Variants in LRRC7 observed in about 807,000 individuals in gnomAD.
LRRC7 encodes the protein leucine rich repeat containing 7, also known as leucine-rich repeat-containing protein 7.
In LRRC7, 23 loss-of-function variants were observed where a neutral mutation model predicts 175.7. The ratio of observed to expected loss-of-function variants is 0.13; its 90% CI spans 0.09 to 0.19. The LOEUF is 0.19. Ranked by LOEUF, LRRC7 falls within the 10% of genes least tolerant of loss-of-function variation. LRRC7 has a pLI of 1.00. For missense variants in LRRC7, 1,354 were observed against 1,904.7 expected, an observed-to-expected ratio of 0.71 and a Z score of 5.38; for synonymous variants, 685 against 680.9, an observed-to-expected ratio of 1.01 and a Z score of -0.09.
chr1:69,881,608 G>C (rs1467544963), intron 7 of LRRC7, among the ~76,000 whole-genome samples: 1 of 152,090 alleles, frequency 6.6e-6, no homozygotes, highest in Non-Finnish European at 1.5e-5. Context: ...GCTGGGTATG[G>C]TGACTCGCAC....
At chr1:69,619,079 G>A (rs1650140865) in intron 1 of LRRC7, among the ~76,000 whole-genome samples, 1 of 141,336 alleles carries the variant, frequency 7.1e-6, no homozygotes, top group South Asian at 2.2e-4. Flanking sequence ...GTAGATCTGT[G>A]TTTGGTGGAA....
intron 7 of LRRC7, among the ~76,000 whole-genome samples, chr1:69,867,938 A>G (rs1405544485): frequency 2.0e-5 from 3 of 152,108 alleles, no homozygotes; most frequent in Admixed American, 6.6e-5. Flanking sequence ...ATTAAGTAAA[A>G]TTTTACTTCC....
chr1:69,691,284 G>C (rs1273498798), intron 2 of LRRC7, among the ~76,000 whole-genome samples: 1 of 151,988 alleles, frequency 6.6e-6, no homozygotes, highest in Non-Finnish European at 1.5e-5. Flanking sequence ...CATTCTATCT[G>C]TTCCTGAAAT....
chr1:69,991,386 G>C (rs999984806), intron 10 of LRRC7, among the ~76,000 whole-genome samples: 6 of 152,116 alleles, frequency 3.9e-5, no homozygotes, highest in Admixed American at 2.0e-4. Context: ...TTTATGACCT[G>C]AATGGTTCTC....
At chr1:69,866,539 A>G (rs1343785095) in intron 7 of LRRC7, among the ~76,000 whole-genome samples, 1 of 152,240 alleles carries the variant, frequency 6.6e-6, no homozygotes, top group Non-Finnish European at 1.5e-5. Flanking sequence ...AGGGTTATTT[A>G]TCATTTTCTA....
At chr1:69,688,631 G>GTTTTT in intron 2 of LRRC7, among the ~76,000 whole-genome samples, 1 of 124,542 alleles carries the variant, frequency 8.0e-6, no homozygotes, top group South Asian at 2.8e-4. Flanking sequence ...TCTTTTTATG[G>GTTTTT]TTTTTTTTTT....
At chr1:70,121,116 G>A (rs1666183903) in intron 26 of LRRC7, among the ~76,000 whole-genome samples, 1 of 151,984 alleles carries the variant, frequency 6.6e-6, no homozygotes, top group Non-Finnish European at 1.5e-5. Context: ...TTATATCAAT[G>A]ATTCTTAAAC....
intron 25 of LRRC7, among the ~76,000 whole-genome samples, chr1:70,095,118 A>C (rs948208501): frequency 4.6e-5 from 7 of 152,298 alleles, no homozygotes; most frequent in African/African-American, 1.7e-4. Context: ...CACATCCTTA[A>C]TTCCACTTCA....
chr1:70,092,842 A>T (rs550759311), intron 25 of LRRC7, among the ~76,000 whole-genome samples: 1 of 152,114 alleles, frequency 6.6e-6, no homozygotes, highest in African/African-American at 2.4e-5. Flanking sequence ...ATAAGGGAAT[A>T]TTTTTACCAG....
intron 2 of LRRC7, among the ~76,000 whole-genome samples, chr1:69,722,046 C>A (rs778337370): frequency 6.6e-6 from 1 of 151,832 alleles, no homozygotes; most frequent in Admixed American, 6.6e-5. Flanking sequence ...CTATCCCTAG[C>A]CAATTTCCCT....
chr1:69,925,644 A>G (rs1253655359), intron 7 of LRRC7, among the ~76,000 whole-genome samples: 4 of 152,008 alleles, frequency 2.6e-5, no homozygotes, highest in Admixed American at 6.6e-5. Context: ...ATCAGTTGTG[A>G]TATCCCCTTT....
At chr1:70,081,189 T>C (rs1663184841) in intron 24 of LRRC7, among the ~76,000 whole-genome samples, 1 of 152,226 alleles carries the variant, frequency 6.6e-6, no homozygotes, top group Non-Finnish European at 1.5e-5. Flanking sequence ...AGATGTTCTA[T>C]AGCTCAACAA....
intron 2 of LRRC7, among the ~76,000 whole-genome samples, chr1:69,731,828 A>T (rs1667611936): frequency 6.6e-6 from 1 of 152,170 alleles, no homozygotes; most frequent in South Asian, 2.1e-4. Context: ...GCAGTTTATA[A>T]GCACTTATGA....
At chr1:69,759,139 C>A (rs563099880) in intron 2 of LRRC7, among the ~76,000 whole-genome samples, 99 of 152,026 alleles carry the variant, frequency 6.5e-4, no homozygotes, top group African/African-American at 2.2e-3. Context: ...AAGACATTCA[C>A]AGAGATAGTG....
At chr1:69,716,802 A>T (rs192390416) in intron 2 of LRRC7, among the ~76,000 whole-genome samples, 4 of 151,902 alleles carry the variant, frequency 2.6e-5, no homozygotes, top group Non-Finnish European at 5.9e-5. Flanking sequence ...AGATAAATGG[A>T]TAAAAAATGA....
chr1:70,105,831 T>C (rs542021564), intron 25 of LRRC7, among the ~76,000 whole-genome samples: 46 of 152,148 alleles, frequency 3.0e-4, no homozygotes, highest in Non-Finnish European at 5.7e-4. Context: ...TTCTAGAAAT[T>C]TTGATGCCTA....
chr1:69,815,289 T>G (rs1223939766), intron 4 of LRRC7, among the ~76,000 whole-genome samples: 1 of 152,110 alleles, frequency 6.6e-6, no homozygotes, highest in Non-Finnish European at 1.5e-5. Flanking sequence ...AAATAAAAAT[T>G]TGGGGAACTT....
chr1:69,767,221 A>G (rs1295474255), intron 3 of LRRC7, among the ~76,000 whole-genome samples: 1 of 152,100 alleles, frequency 6.6e-6, no homozygotes, highest in Non-Finnish European at 1.5e-5. Flanking sequence ...CTTTTTATTG[A>G]CAAATAATGT....
At chr1:69,605,606 A>T (rs910429905) in intron 1 of LRRC7, among the ~76,000 whole-genome samples, 1 of 152,168 alleles carries the variant, frequency 6.6e-6, no homozygotes, top group African/African-American at 2.4e-5. Flanking sequence ...GATTGATGCT[A>T]CTGGGTAAGT....
Sources: allele counts gnomAD v4.1 joint callset (sites outside exome capture counted in the v4.1 genomes callset), GRCh38; gene constraint gnomAD v4.1.1; transcripts MANE v1.5; gene names NCBI Gene and HGNC (gene_info 2026-07-23, HGNC 2026-07-21).